BORCS5: variants seen among roughly 807,000 people sequenced by gnomAD.
BORCS5 encodes the protein BLOC-1-related complex subunit 5.
Under a neutral mutation model 22.1 loss-of-function variants are expected in BORCS5, and 17 were observed. The ratio of observed to expected loss-of-function variants is 0.77; its 90% CI spans 0.53 to 1.15. The LOEUF is 1.15. BORCS5 is among the 50% of genes most tolerant of loss of function. BORCS5 has a pLI of 0.00. For missense variants in BORCS5, 247 were observed against 253.2 expected (o/e 0.98, Z 0.17); for synonymous variants, 117 against 99.8 (o/e 1.17, Z -1.03).
intron 2 of BORCS5, among the ~76,000 whole-genome samples, chr12:12,372,164 T>C (rs1489608611): frequency 6.6e-6 from 1 of 151,960 alleles, no homozygotes; most frequent in Non-Finnish European, 1.5e-5. Flanking sequence ...CTTAGTCTCC[T>C]GAGTAGCTGG....
intron 2 of BORCS5, among the ~76,000 whole-genome samples, chr12:12,432,645 G>C (rs6488524): frequency 0.19 from 29,327 of 152,058 alleles, 3,684 homozygotes; most frequent in African/African-American, 0.36. Context: ...TGGGTGAATG[G>C]TTTAACAAAC....
chr12:12,373,799 CAAT>C (rs895554053), intron 2 of BORCS5, among the ~76,000 whole-genome samples: 4 of 151,984 alleles, frequency 2.6e-5, no homozygotes, highest in African/African-American at 9.7e-5. Flanking sequence ...TAAGTATTCA[CAAT>C]AATATCATAT....
intron 2 of BORCS5, among the ~76,000 whole-genome samples, chr12:12,409,821 G>C (rs2136083910): frequency 1.3e-5 from 2 of 151,766 alleles, no homozygotes; most frequent in Admixed American, 1.3e-4. Context: ...TTCCACAATG[G>C]TTGAACTAGT....
intron 2 of BORCS5, among the ~76,000 whole-genome samples, chr12:12,414,729 C>T (rs1422996331): frequency 3.0e-5 from 4 of 132,650 alleles, no homozygotes; most frequent in East Asian, 2.1e-4. Flanking sequence ...GGCTGCCGGG[C>T]GGAGACGCTC....
rs1251962209 is a variant in BORCS5 at position 12,453,044 on chromosome 12, G to C, written c.361-12502G>C. Among the ~76,000 whole-genome samples, 2 of 152,152 alleles carry C rather than the reference G, an allele frequency of 1.3e-5. 1 individual carries two copies. The highest frequency in any genetic ancestry group is 2.9e-5 in the Non-Finnish European group (2 of 68,026). On this transcript the variant is annotated intron_variant, in intron 3 of 3. Coordinates refer to ENST00000314565, the MANE Select transcript of BORCS5 (RefSeq NM_058169.6). ...AGTCAAAGACCAAATCGGGATAGCC[G>C]ATGTATAAAAACACAAGCACCGGGT...
At chr12:12,448,194 C>G (rs886887204) in intron 3 of BORCS5, among the ~76,000 whole-genome samples, 2 of 152,024 alleles carry the variant, frequency 1.3e-5, no homozygotes, top group African/African-American at 4.8e-5. Context: ...TGTCCATTGT[C>G]TTCAATTCTT....
rs562506544 is a variant in BORCS5, at chr12:12,378,618, T to A, written c.202+17269T>A. Among the ~76,000 whole-genome samples, 71 of 143,124 alleles carry A rather than the reference T, an allele frequency of 5.0e-4. 4 individuals carry two copies. The highest frequency in any genetic ancestry group is 1.7e-3 in the African/African-American group (66 of 39,418). The allele number at this position is 143,124 out of a possible 152,430, so 93.9% of individuals were successfully genotyped here. On this transcript the variant is annotated intron_variant, in intron 2 of 3. Transcript: ENST00000314565. ...AGAATTATCACAGATTTAAGGAGAC[T>A]AAGGAGACATGCAGTGTGGGTCCTG...
At chr12:12,378,938 T>G (rs867190091) in intron 2 of BORCS5, among the ~76,000 whole-genome samples, 3 of 150,736 alleles carry the variant, frequency 2.0e-5, no homozygotes, top group South Asian at 4.2e-4. Context: ...ATTTTTTTTG[T>G]AGAAATAGGG....
chr12:12,463,961 C>G (rs1047366298), intron 3 of BORCS5, among the ~76,000 whole-genome samples: 3 of 152,112 alleles, frequency 2.0e-5, no homozygotes, highest in Non-Finnish European at 4.4e-5. Context: ...ATGTGATGCC[C>G]GAGAAGGTTC....
chr12:12,468,008 G>C lies in BORCS5; in HGVS notation c.*2232G>C, dbSNP rs1029732505. Reference sequence around the variant, plus strand: ...TTGGTCTGCAGCCACAAGGATGAAGGTTTGGGGATGAGAGACCAGCACGGG... The same window carrying C: ...TTGGTCTGCAGCCACAAGGATGAAGCTTTGGGGATGAGAGACCAGCACGGG... On this transcript the variant is annotated 3_prime_UTR_variant, in exon 4 of 4. Transcript: ENST00000314565. 6.6e-6 allele frequency: 1 copy of C among 152,360 alleles called. No homozygotes were observed. The highest frequency in any genetic ancestry group is 2.4e-5 in the African/African-American group (1 of 41,574). The allele number at this position is 152,360 out of a possible 1,614,324, so 9.4% of individuals were successfully genotyped here. A position where few individuals can be genotyped will look rare whatever the true frequency, so the allele number is the denominator to read the frequency against.
chr12:12,447,310 A>G (rs1020530587), intron 3 of BORCS5, among the ~76,000 whole-genome samples: 2 of 152,136 alleles, frequency 1.3e-5, no homozygotes, highest in African/African-American at 4.8e-5. Context: ...CTCTCCCATC[A>G]GCAACCGCCA....
At chr12:12,393,172 T>C (rs927450366) in intron 2 of BORCS5, among the ~76,000 whole-genome samples, 2 of 151,994 alleles carry the variant, frequency 1.3e-5, no homozygotes, top group African/African-American at 4.8e-5. Flanking sequence ...GAGGCAGAGG[T>C]TGCAGTGAGC....
At chr12:12,442,524 A>G (rs1474842544) in intron 3 of BORCS5, among the ~76,000 whole-genome samples, 1 of 152,240 alleles carries the variant, frequency 6.6e-6, no homozygotes, top group Non-Finnish European at 1.5e-5. Context: ...GAGGGGGTTC[A>G]GATGAACTGG....
At chr12:12,391,253 T>C (rs1941176170) in intron 2 of BORCS5, among the ~76,000 whole-genome samples, 1 of 152,084 alleles carries the variant, frequency 6.6e-6, no homozygotes, top group Admixed American at 6.6e-5. Flanking sequence ...CAAAGGACCC[T>C]ATACATGCTA....
At chr12:12,387,768 T>G (rs6488520) in intron 2 of BORCS5, among the ~76,000 whole-genome samples, 1,810 of 151,302 alleles carry the variant, frequency 0.012, 83 homozygotes, top group African/African-American at 0.04. Flanking sequence ...TCCCCCATCC[T>G]GTATTTCTGC....
intron 2 of BORCS5, among the ~76,000 whole-genome samples, chr12:12,395,435 A>ATTTTTTTTTTTTTTT (rs59277387): frequency 6.5e-5 from 7 of 107,856 alleles, no homozygotes; most frequent in Admixed American, 1.0e-4. Flanking sequence ...CACCCAGCTA[A>ATTTTTTTTTTTTTTT]TTTTTTTTTT....
chr12:12,445,989 CAT>C (rs1009388462), intron 3 of BORCS5, among the ~76,000 whole-genome samples: 1 of 152,166 alleles, frequency 6.6e-6, no homozygotes, highest in East Asian at 1.9e-4. Flanking sequence ...ATGTGAATCT[CAT>C]AAGAGTTCCA....
chr12:12,421,373 A>G (rs1942118326), intron 2 of BORCS5, among the ~76,000 whole-genome samples: 2 of 152,170 alleles, frequency 1.3e-5, no homozygotes, highest in African/African-American at 4.8e-5. Flanking sequence ...TGTATGTTGA[A>G]CCAGCCTTGC....
intron 2 of BORCS5, among the ~76,000 whole-genome samples, chr12:12,364,109 C>T (rs1228033413): frequency 1.3e-5 from 2 of 152,134 alleles, no homozygotes; most frequent in Non-Finnish European, 2.9e-5. Context: ...GGCACAGTGG[C>T]TCATGCCTGT....
Sources: gnomAD v4.1 joint callset for allele counts (sites outside exome capture counted in the v4.1 genomes callset) on GRCh38, gnomAD v4.1.1 for gene constraint, MANE v1.5 for transcripts, NCBI Gene and HGNC (gene_info 2026-07-23, HGNC 2026-07-21) for gene names.